Variants in MTA3 observed in about 807,000 individuals in gnomAD.
MTA3 encodes the protein metastasis associated 1 family member 3.
Under a neutral mutation model 83.5 loss-of-function variants are expected in MTA3, and 34 were observed. The observed-to-expected ratio is 0.41, with a 90% CI of 0.31 to 0.54. MTA3 has a LOEUF of 0.54. Ranked by LOEUF, MTA3 falls within the 20% of genes least tolerant of loss-of-function variation. The pLI is 0.33. For missense variants in MTA3, 761 were observed against 726.4 expected, an observed-to-expected ratio of 1.05 and a Z score of -0.55; for synonymous variants, 303 against 252.7, an observed-to-expected ratio of 1.20 and a Z score of -1.89.
chr2:42,754,677 C>T lies in MTA3; in HGVS notation c.*1278C>T, dbSNP rs1670117085. The T allele has an allele frequency of 3.0e-6, 3 of 985,356 alleles. No individual in the cohort carries two copies. Among genetic ancestry groups the T allele is most frequent in the East Asian group, 1.1e-4 (1 of 8,816 alleles). 61.0% of individuals were successfully genotyped at this position (985,356 alleles called of 1,614,324 possible). A position where few individuals can be genotyped will look rare whatever the true frequency, so the allele number is the denominator to read the frequency against. On this transcript the variant is annotated 3_prime_UTR_variant, in exon 17 of 17. Transcript: ENST00000405094. Reference sequence around the variant, plus strand: ...AGAAAGACAACTGGAGTCTGATCTCCCAGCCATCTCTGGGGTTACTAGGAG... The same window carrying T: ...AGAAAGACAACTGGAGTCTGATCTCTCAGCCATCTCTGGGGTTACTAGGAG...
At chr2:42,579,546 C>T (rs1362168839) in intron 3 of MTA3, among the ~76,000 whole-genome samples, 2 of 151,590 alleles carry the variant, frequency 1.3e-5, no homozygotes, top group African/African-American at 2.4e-5. Context: ...CCTGCCTCAT[C>T]CTTGCAAAGT....
chr2:42,658,264 A>G (rs1335070069), intron 7 of MTA3, among the ~76,000 whole-genome samples: 1 of 152,082 alleles, frequency 6.6e-6, no homozygotes, highest in Non-Finnish European at 1.5e-5. Context: ...CCTTTGGAAT[A>G]CTGTTTGCTG....
chr2:42,645,137 C>G (rs1205890260), intron 6 of MTA3, among the ~76,000 whole-genome samples: 2 of 149,874 alleles, frequency 1.3e-5, no homozygotes, highest in Non-Finnish European at 3.0e-5. Context: ...AAGTGCTACT[C>G]CACACTCCAG....
chr2:42,677,700 C>T (rs926947640), intron 8 of MTA3, among the ~76,000 whole-genome samples: 3 of 152,078 alleles, frequency 2.0e-5, no homozygotes, highest in Non-Finnish European at 4.4e-5. Context: ...TGCCTGCTGC[C>T]ATCTATGTAA....
At chr2:42,510,687 G>T (rs1359377060) in intron 2 of MTA3, among the ~76,000 whole-genome samples, 1 of 152,210 alleles carries the variant, frequency 6.6e-6, no homozygotes, top group Non-Finnish European at 1.5e-5. Flanking sequence ...TGCCCTGGGG[G>T]TAGATTGACA....
intron 4 of MTA3, among the ~76,000 whole-genome samples, chr2:42,633,876 G>A (rs1289600241): frequency 3.3e-5 from 5 of 150,024 alleles, no homozygotes; most frequent in Admixed American, 2.7e-4. Context: ...GCGACAGAGC[G>A]AGACTCTGTC....
At chr2:42,641,866 TA>T (rs921391334) in intron 5 of MTA3, among the ~76,000 whole-genome samples, 169 of 143,894 alleles carry the variant, frequency 1.2e-3, no homozygotes, top group Non-Finnish European at 1.0e-3. Context: ...GACCTTGTCT[TA>T]AAAAAAAAAA....
intron 2 of MTA3, among the ~76,000 whole-genome samples, chr2:42,554,005 G>T (rs1206481416): frequency 6.6e-6 from 1 of 151,716 alleles, no homozygotes; most frequent in Non-Finnish European, 1.5e-5. Context: ...AGGCCGAGGC[G>T]GGTGGATCAC....
chr2:42,658,600 G>A (rs1689390813), intron 7 of MTA3, among the ~76,000 whole-genome samples: 1 of 152,160 alleles, frequency 6.6e-6, no homozygotes, highest in Non-Finnish European at 1.5e-5. Context: ...CTAATCTGTG[G>A]TGCTATAATC....
intron 6 of MTA3, among the ~76,000 whole-genome samples, chr2:42,651,264 G>A (rs1453960214): frequency 1.3e-5 from 2 of 152,204 alleles, no homozygotes; most frequent in African/African-American, 2.4e-5. Context: ...TGAGTGGTAC[G>A]TGGATGTGAA....
chr2:42,555,418 G>C (rs1376361046), intron 2 of MTA3, among the ~76,000 whole-genome samples: 3 of 121,728 alleles, frequency 2.5e-5, no homozygotes, highest in Admixed American at 1.1e-4. Context: ...TTGCACCATT[G>C]CACTCCAGCC....
chr2:42,585,120 C>A (rs1226466159), intron 3 of MTA3, among the ~76,000 whole-genome samples: 2 of 151,678 alleles, frequency 1.3e-5, no homozygotes, highest in Non-Finnish European at 2.9e-5. Context: ...CAGAGTTTCG[C>A]TCTTGTTGCC....
Position 42,593,638 on chromosome 2 carries a change from G to A in MTA3, c.190+14438G>A, listed in dbSNP as rs1020387013. 2.0e-5 allele frequency among the ~76,000 whole-genome samples: 3 copies of A among 152,070 alleles called. No homozygotes were observed. In the South Asian group the frequency reaches 6.2e-4, roughly 32 times the overall value. On this transcript the variant is annotated intron_variant, in intron 3 of 16. Transcript: ENST00000405094. ...TGTTGACTTAAATGTTATGTGGTGTGTGACTATATATGTCATTTAGTACTC... is the reference window on the plus strand; with the variant it reads ...TGTTGACTTAAATGTTATGTGGTGTATGACTATATATGTCATTTAGTACTC...
At chr2:42,645,526 AAAACAAACAAACAAAC>A (rs141409989) in intron 6 of MTA3, among the ~76,000 whole-genome samples, 8 of 150,406 alleles carry the variant, frequency 5.3e-5, no homozygotes, top group Non-Finnish European at 8.9e-5. Context: ...CTTTGTCTAA[AAAACAAACAAACAAAC>A]AAACAAACAA....
intron 7 of MTA3, among the ~76,000 whole-genome samples, chr2:42,658,746 T>C (rs1163844860): frequency 1.3e-5 from 2 of 152,058 alleles, no homozygotes; most frequent in South Asian, 2.1e-4. Context: ...CTTTTCAACA[T>C]GTTTGTTGTA....
chr2:42,652,458 A>T (rs532935493), intron 6 of MTA3, among the ~76,000 whole-genome samples: 2,318 of 152,302 alleles, frequency 0.015, 60 homozygotes, highest in African/African-American at 0.053. Flanking sequence ...ATCTGGAAAT[A>T]TACCGAAGAA....
rs1677084338 is a variant in MTA3, at chr2:42,551,060, TAAATA to T, written c.-140-19374_-140-19370del. On this transcript the variant is annotated intron_variant, in intron 2 of 17. Coordinates refer to the MTA3 transcript ENST00000405592. ...ACCAGACTCTGACTAAATAAATAAA[TAAATA>T]AATAAATAAATAAATAAATAAATTA... Among the ~76,000 whole-genome samples the T allele has an allele frequency of 2.7e-5, 4 of 150,566 alleles. 1 individual carries two copies. Among genetic ancestry groups the T allele is most frequent in the African/African-American group, 9.7e-5 (4 of 41,052 alleles).
intron 4 of MTA3, among the ~76,000 whole-genome samples, chr2:42,621,796 C>T (rs999516910): frequency 4.5e-4 from 68 of 150,672 alleles, no homozygotes; most frequent in African/African-American, 1.5e-3. Context: ...TGGGCAGAGA[C>T]GCTCCTCACC....
intron 2 of MTA3, among the ~76,000 whole-genome samples, chr2:42,551,139 C>T (rs954063357): frequency 6.6e-6 from 1 of 151,682 alleles, no homozygotes; most frequent in African/African-American, 2.4e-5. Context: ...TCCAAAACAG[C>T]TTTGAGCTCG....
Sources: gnomAD v4.1 joint callset for allele counts (sites outside exome capture counted in the v4.1 genomes callset) on GRCh38, gnomAD v4.1.1 for gene constraint, MANE v1.5 for transcripts, NCBI Gene and HGNC (gene_info 2026-07-23, HGNC 2026-07-21) for gene names.